Variants in MARCHF6 observed in about 807,000 individuals in gnomAD.
The protein encoded by MARCHF6 is E3 ubiquitin-protein ligase MARCHF6.
A neutral mutation model predicts 133.7 loss-of-function variants in MARCHF6; 31 were observed. The observed-to-expected ratio is 0.23, with a 90% CI of 0.17 to 0.31. The LOEUF (loss-of-function observed/expected upper bound fraction) is 0.31, where lower values mean the gene tolerates loss of function less well. Ranked by LOEUF, MARCHF6 falls within the 10% of genes least tolerant of loss-of-function variation. The pLI, the probability that MARCHF6 is intolerant of heterozygous loss-of-function variation, is 1.00. For missense variants in MARCHF6, 723 were observed against 1,121.6 expected (o/e 0.64, Z 5.08); for synonymous variants, 395 against 402.5 (o/e 0.98, Z 0.22).
At chr5:10,356,543 G>C (rs553578001) in intron 1 of MARCHF6, among the ~76,000 whole-genome samples, 1 of 151,634 alleles carries the variant, frequency 6.6e-6, no homozygotes, top group South Asian at 2.1e-4. Flanking sequence ...TTACAGGAGC[G>C]CGCCACCTCC....
chr5:10,357,537 G>GT (rs1735550971), intron 1 of MARCHF6, among the ~76,000 whole-genome samples: 1 of 152,074 alleles, frequency 6.6e-6, no homozygotes, highest in African/African-American at 2.4e-5. Flanking sequence ...TATCACTATG[G>GT]CAAAAATTTG....
intron 25 of MARCHF6, among the ~76,000 whole-genome samples, chr5:10,433,063 T>C (rs1740446176): frequency 6.6e-6 from 1 of 152,146 alleles, no homozygotes; most frequent in East Asian, 1.9e-4. Context: ...GCTAATTTTG[T>C]ATTTTTAGTA....
intron 1 of MARCHF6, among the ~76,000 whole-genome samples, chr5:10,365,472 G>A (rs142952142): frequency 1.6e-4 from 25 of 152,110 alleles, no homozygotes; most frequent in African/African-American, 5.5e-4. Context: ...GGCTAATTTT[G>A]TATTTTTAGT....
intron 11 of MARCHF6, 198 bp from the exon 12 acceptor site, chr5:10,401,861 A>T: frequency 5.5e-6 from 3 of 543,648 alleles, no homozygotes; most frequent in African/African-American, 1.9e-5. Context: ...ATTTTTCTTC[A>T]TTTTTTAGTA....
chr5:10,383,021 C>T (rs1237415851), intron 4 of MARCHF6, among the ~76,000 whole-genome samples: 5 of 151,918 alleles, frequency 3.3e-5, no homozygotes, highest in African/African-American at 1.2e-4. Context: ...ATATGGGAGG[C>T]AGAGTATATA....
At chr5:10,415,766 T>C (rs563651454) in intron 21 of MARCHF6, 97 bp downstream of exon 21, 447 of 1,006,012 alleles carry the variant, frequency 4.4e-4, no homozygotes, top group Non-Finnish European at 6.1e-4. Flanking sequence ...TTTATTTCCT[T>C]ACTATATTGT....
intron 7 of MARCHF6, among the ~76,000 whole-genome samples, chr5:10,393,111 G>GA (rs1243006835): frequency 2.0e-5 from 3 of 152,122 alleles, no homozygotes; most frequent in Non-Finnish European, 4.4e-5. Flanking sequence ...GGTCACCTGG[G>GA]AGGGAGTACA....
At chr5:10,377,743 C>CT (rs1462811828) in intron 1 of MARCHF6, 55 bp from the exon 2 acceptor site, 5 of 1,318,116 alleles carry the variant, frequency 3.8e-6, no homozygotes, top group East Asian at 4.6e-5. Flanking sequence ...TTGTTTCTTG[C>CT]TTTTTTAAAA....
chr5:10,388,982 G>T (rs976323829), intron 5 of MARCHF6, among the ~76,000 whole-genome samples: 1 of 152,150 alleles, frequency 6.6e-6, no homozygotes, highest in South Asian at 2.1e-4. Flanking sequence ...TACTAAGGTG[G>T]TAGTTAGGAT....
At position 10,402,418 on chromosome 5, in the gene MARCHF6, G is replaced by T. The variant is rs977818777; in HGVS notation, c.1088G>T (p.Arg363Leu). 1.2e-6 allele frequency: 2 copies of T among 1,613,772 alleles called. No individual in the cohort carries two copies. The highest frequency in any genetic ancestry group is 1.7e-6 in the Non-Finnish European group (2 of 1,179,878). The change falls in exon 13 of 26, where the codon CGT becomes CTT. Residue 363 changes from arginine (R) to leucine (L), a missense_variant. Arg to Leu is a moderately radical substitution (Grantham distance 102). Transcript: ENST00000274140. ...ACTCTTGTGAAATTTCATAGATCTC[G>T]TCGCTTACTGGGAGTCTGCTATATT... ...LATLVKFHRS[R>L]RLLGVCYIVV...
At chr5:10,371,249 C>T (rs1579533290) in intron 1 of MARCHF6, among the ~76,000 whole-genome samples, 1 of 152,292 alleles carries the variant, frequency 6.6e-6, no homozygotes, top group South Asian at 2.1e-4. Context: ...CCCTTTCAAC[C>T]TCAGTTTCCC....
rs1248965119 is a variant in MARCHF6 at position 10,435,639 on chromosome 5, CTATATATATATATATATATATATA to C, written c.*1991_*2014del. ...AGCATATAACTATATAACTATATAACTATATATATATATATATATATATATATATATATATATATATATATATAT... is the reference window on the plus strand; with the variant it reads ...AGCATATAACTATATAACTATATAACTATATATATATATATATATATATAT... On this transcript the variant is annotated 3_prime_UTR_variant, in exon 26 of 26. Coordinates refer to ENST00000274140, the MANE Select transcript of MARCHF6 (RefSeq NM_005885.4). 1.2e-3 allele frequency: 3 copies of C among 2,420 alleles called. No individual in the cohort carries two copies. Among genetic ancestry groups the C allele is most frequent in the African/African-American group, 1.6e-3 (1 of 630 alleles). The allele number at this position is 2,420 out of a possible 1,614,324, so 0.1% of individuals were successfully genotyped here.
intron 1 of MARCHF6, among the ~76,000 whole-genome samples, chr5:10,367,832 C>A (rs1736226734): frequency 6.6e-6 from 1 of 152,074 alleles, no homozygotes; most frequent in African/African-American, 2.4e-5. Flanking sequence ...TAAAAGGTAT[C>A]CATGTGTAAA....
In MARCHF6 at chr5:10,437,928, G is replaced by A. The variant is rs573755963; in HGVS notation, c.*4244G>A. On this transcript the variant is annotated 3_prime_UTR_variant, in exon 26 of 26. Transcript: ENST00000274140. ...GAAATATGCATTATTAGCCAGCATA[G>A]ATAATCCAGATGTTATAATAGGAAG... 2 of 152,746 alleles carry A rather than the reference G, an allele frequency of 1.3e-5. No individual in the cohort carries two copies. Among genetic ancestry groups the A allele is most frequent in the South Asian group, 4.2e-4 (2 of 4,818 alleles). The allele number at this position is 152,746 out of a possible 1,614,324, so 9.5% of individuals were successfully genotyped here. A position where few individuals can be genotyped will look rare whatever the true frequency, so the allele number is the denominator to read the frequency against.
chr5:10,377,658 T>C (rs2126691797), intron 1 of MARCHF6, 140 bp from the exon 2 acceptor site: 1 of 539,122 alleles, frequency 1.9e-6, no homozygotes, highest in South Asian at 3.0e-5. Flanking sequence ...TAATCACAAC[T>C]TTCAGTTCTC....
intron 17 of MARCHF6, among the ~76,000 whole-genome samples, chr5:10,407,799 C>G (rs1738989453): frequency 6.6e-6 from 1 of 151,894 alleles, no homozygotes; most frequent in Non-Finnish European, 1.5e-5. Context: ...ACTAAAAATA[C>G]AAAAAAATTA....
chr5:10,378,789 A>G lies in MARCHF6; in HGVS notation c.147A>G (p.Lys49=). The change falls in exon 3 of 26, where the codon AAA becomes AAG. Residue 49 remains lysine, a synonymous_variant. Coordinates refer to ENST00000274140, the MANE Select transcript of MARCHF6 (RefSeq NM_005885.4). ...CLVQWLKHSR[K]EYCELCKHRF... Reference sequence around the variant, plus strand: ...TTCAATGGCTGAAACACAGTCGAAAAGAATACTGTGAATTATGCAAGCACA... The same window carrying G: ...TTCAATGGCTGAAACACAGTCGAAAGGAATACTGTGAATTATGCAAGCACA... 1 of 1,609,786 alleles carries G rather than the reference A, an allele frequency of 6.2e-7. No individual in the cohort carries two copies. The highest frequency in any genetic ancestry group is 8.5e-7 in the Non-Finnish European group (1 of 1,177,410).
intron 1 of MARCHF6, among the ~76,000 whole-genome samples, chr5:10,358,114 GC>G (rs1444414885): frequency 6.6e-6 from 1 of 152,066 alleles, no homozygotes; most frequent in Admixed American, 6.6e-5. Context: ...GAAGGAGTTA[GC>G]CATGCAGATA....
At position 10,400,771 on chromosome 5, in the gene MARCHF6, TC is replaced by T. The variant is rs763595463; in HGVS notation, c.914-8del. 46 of 1,606,460 alleles carry T rather than the reference TC, an allele frequency of 2.9e-5. No individual in the cohort carries two copies. In the African/African-American group the frequency reaches 4.3e-4, roughly 15 times the overall value. ...ATGTCGGAGTTTTCATGGAATTTTT[TC>T]CCCCTTTTTAGCATTTTGCCCTTAC... On this transcript the variant is annotated splice_polypyrimidine_tract_variant and intron_variant, in intron 10 of 25. Transcript: ENST00000274140.
Sources: gnomAD v4.1 joint callset for allele counts (sites outside exome capture counted in the v4.1 genomes callset) on GRCh38, gnomAD v4.1.1 for gene constraint, MANE v1.5 for transcripts, NCBI Gene and HGNC (gene_info 2026-07-23, HGNC 2026-07-21) for gene names.